Variants in TENM2 observed in about 807,000 individuals in gnomAD.
TENM2 encodes the protein teneurin-2.
In TENM2, 52 loss-of-function variants were observed where a neutral mutation model predicts 245.2. The ratio of observed to expected loss-of-function variants is 0.21; its 90% CI spans 0.17 to 0.27. TENM2 has a LOEUF of 0.27. TENM2 is among the 10% of genes least tolerant of loss of function. TENM2 has a pLI of 1.00. For missense variants in TENM2, 3,046 were observed against 3,666.8 expected (o/e 0.83, Z 4.37); for synonymous variants, 1,363 against 1,438.9 (o/e 0.95, Z 1.19).
At chr5:168,097,725 T>G (rs1485361342) in intron 8 of TENM2, among the ~76,000 whole-genome samples, 1 of 152,156 alleles carries the variant, frequency 6.6e-6, no homozygotes, top group Non-Finnish European at 1.5e-5. Context: ...GTGCTGAGAT[T>G]ACAGCTGTGA....
At chr5:167,859,087 A>G (rs1771394606) in intron 2 of TENM2, among the ~76,000 whole-genome samples, 2 of 97,340 alleles carry the variant, frequency 2.1e-5, no homozygotes, top group South Asian at 3.6e-4. Context: ...CCGGCCGCCC[A>G]TCGTCTGAGA....
At chr5:167,240,933 C>T in the TENM2 span, among the ~76,000 whole-genome samples, 1 of 152,258 alleles carries the variant, frequency 6.6e-6, no homozygotes, top group Non-Finnish European at 1.5e-5. Flanking sequence ...GAGGAGTAGC[C>T]ACAGTGTCTA....
chr5:168,161,155 A>G (rs556780795), intron 12 of TENM2, among the ~76,000 whole-genome samples: 1 of 152,218 alleles, frequency 6.6e-6, no homozygotes, highest in Non-Finnish European at 1.5e-5. Flanking sequence ...AGCAGGGGAG[A>G]TGCATGCTTT....
chr5:168,179,561 A>T (rs1235479181), intron 13 of TENM2, among the ~76,000 whole-genome samples: 1 of 152,242 alleles, frequency 6.6e-6, no homozygotes, highest in Non-Finnish European at 1.5e-5. Flanking sequence ...AAAAGAGCTC[A>T]TATGTACATG....
At chr5:167,677,741 T>G (rs1209932321) in intron 2 of TENM2, among the ~76,000 whole-genome samples, 2 of 148,924 alleles carry the variant, frequency 1.3e-5, no homozygotes, top group Non-Finnish European at 3.0e-5. Flanking sequence ...ATATACTTAT[T>G]ATATATTTAT....
intron 2 of TENM2, among the ~76,000 whole-genome samples, chr5:167,702,556 A>G (rs1173516080): frequency 6.3e-5 from 9 of 143,868 alleles, no homozygotes; most frequent in African/African-American, 1.6e-4. Flanking sequence ...GTGTGTGTAT[A>G]TATATATATA....
intron 14 of TENM2, among the ~76,000 whole-genome samples, chr5:168,194,749 C>T (rs1015946285): frequency 2.6e-5 from 4 of 152,096 alleles, no homozygotes; most frequent in African/African-American, 9.7e-5. Flanking sequence ...CCCACTCTGA[C>T]ATTCTGGCCT....
At chr5:167,378,013 T>C (rs1442114856) in intron 2 of TENM2, among the ~76,000 whole-genome samples, 1 of 152,094 alleles carries the variant, frequency 6.6e-6, no homozygotes, top group Non-Finnish European at 1.5e-5. Context: ...TAAAGATACA[T>C]GGTCAGAAAA....
intron 2 of TENM2, among the ~76,000 whole-genome samples, chr5:167,870,779 CT>C (rs561912462): frequency 6.6e-6 from 1 of 151,174 alleles, no homozygotes; most frequent in Non-Finnish European, 1.5e-5. Context: ...ATTCCTAGTA[CT>C]TTTTTTGTTA....
In TENM2 at chr5:167,460,688, A is replaced by C. The variant is rs371537621; in HGVS notation, c.502+85215A>C. Among the ~76,000 whole-genome samples the C allele has an allele frequency of 6.3e-4, 96 of 152,282 alleles. No individual in the cohort carries two copies. The South Asian group carries it at 0.019, about 30-fold the overall frequency. On this transcript the variant is annotated intron_variant, in intron 2 of 28. Coordinates refer to ENST00000518659, the Ensembl canonical transcript of TENM2. ...GAGAGTTTCAGCTGTATAACTAAAA[A>C]TAAATGCCTCTGTAAAACACCAACA...
chr5:167,613,173 A>G (rs1055817293), intron 2 of TENM2, among the ~76,000 whole-genome samples: 1 of 152,184 alleles, frequency 6.6e-6, no homozygotes, highest in Non-Finnish European at 1.5e-5. Flanking sequence ...GGGTTCAGAC[A>G]CTGGCTCCAC....
intron 12 of TENM2, among the ~76,000 whole-genome samples, chr5:168,142,057 G>T (rs1296826571): frequency 6.6e-6 from 1 of 152,178 alleles, no homozygotes; most frequent in Non-Finnish European, 1.5e-5. Context: ...AAGAGTTCAG[G>T]TTGCATGGTT....
At chr5:167,859,762 G>A (rs1309490072) in intron 2 of TENM2, among the ~76,000 whole-genome samples, 4 of 90,572 alleles carry the variant, frequency 4.4e-5, no homozygotes, top group East Asian at 4.0e-4. Context: ...CCGGCCAGCC[G>A]CCCTGTCCGG....
At chr5:167,519,127 C>T (rs1201811960) in intron 2 of TENM2, among the ~76,000 whole-genome samples, 2 of 152,144 alleles carry the variant, frequency 1.3e-5, no homozygotes, top group African/African-American at 4.8e-5. Context: ...TCTGTTCTGA[C>T]ATCTAACACT....
At chr5:167,367,361 G>A (rs186453726) in intron 1 of TENM2, among the ~76,000 whole-genome samples, 1 of 152,094 alleles carries the variant, frequency 6.6e-6, no homozygotes, top group African/African-American at 2.4e-5. Context: ...AATTCTTAAA[G>A]CACACTTCTG....
At chr5:167,771,609 G>C (rs189086998) in intron 2 of TENM2, among the ~76,000 whole-genome samples, 1 of 152,264 alleles carries the variant, frequency 6.6e-6, no homozygotes. Flanking sequence ...TTGTTGGGCA[G>C]TTAACATCTC....
chr5:167,919,284 A>C (rs32402), intron 3 of TENM2, among the ~76,000 whole-genome samples: 31,788 of 152,140 alleles, frequency 0.21, 3,835 homozygotes, highest in East Asian at 0.44. Flanking sequence ...TGTGCTGTCG[A>C]GAGTGTGGTG....
At chr5:167,486,224 G>T (rs1053786584) in intron 2 of TENM2, among the ~76,000 whole-genome samples, 4 of 152,114 alleles carry the variant, frequency 2.6e-5, no homozygotes, top group African/African-American at 7.2e-5. Context: ...TGGTGCTTGT[G>T]TTGGGGATAT....
At chr5:167,809,517 A>G (rs1423288472) in intron 2 of TENM2, among the ~76,000 whole-genome samples, 1 of 152,176 alleles carries the variant, frequency 6.6e-6, no homozygotes, top group Non-Finnish European at 1.5e-5. Flanking sequence ...TCCCCATTCA[A>G]CTGAAGATTT....
Sources: allele counts gnomAD v4.1 joint callset (sites outside exome capture counted in the v4.1 genomes callset), GRCh38; gene constraint gnomAD v4.1.1; transcripts MANE v1.5; gene names NCBI Gene and HGNC (gene_info 2026-07-23, HGNC 2026-07-21).